Variants in PTPN5 observed in about 807,000 individuals in gnomAD.
PTPN5 encodes the protein tyrosine-protein phosphatase non-receptor type 5.
PTPN5 carries 29 observed loss-of-function variants against 73.9 expected under a neutral mutation model. The ratio of observed to expected loss-of-function variants is 0.39; its 90% CI spans 0.29 to 0.54. The LOEUF is 0.54. Among genes scored for constraint, PTPN5 ranks in the 20% least tolerant of loss-of-function variants. The pLI is 0.65. For missense variants in PTPN5, 652 were observed against 751.4 expected (o/e 0.87, Z 1.55); for synonymous variants, 267 against 304.7 (o/e 0.88, Z 1.29).
intron 3 of PTPN5, among the ~76,000 whole-genome samples, chr11:18,761,178 C>T (rs144346466): frequency 5.3e-5 from 8 of 152,298 alleles, no homozygotes; most frequent in East Asian, 1.9e-4. Context: ...GGCCTGCCCA[C>T]GAGTCTGCAT....
intron 1 of PTPN5, among the ~76,000 whole-genome samples, chr11:18,778,898 T>A (rs1315161042): frequency 6.6e-6 from 1 of 152,180 alleles, no homozygotes; most frequent in African/African-American, 2.4e-5. Context: ...TGATCACACA[T>A]TATTTCATGC....
rs2134221165 is a variant in PTPN5, at chr11:18,742,159, C to T, written c.725+103G>A. 3.3e-6 allele frequency: 5 copies of T among 1,521,308 alleles called. No homozygotes were observed. The highest frequency in any genetic ancestry group is 4.5e-6 in the Non-Finnish European group (5 of 1,118,266). 94.2% of individuals were successfully genotyped at this position (1,521,308 alleles called of 1,614,324 possible). On this transcript the variant is annotated intron_variant, in intron 7 of 14. Coordinates refer to ENST00000358540, the MANE Select transcript of PTPN5 (RefSeq NM_006906.2). The surrounding 1 kb of genome is among the most constrained non-coding windows in gnomAD (Gnocchi z 4.1). ...TACACTGGCTAAGCTATAAGGCCAGCTCTGCCCTGGGCACCAGGAGTCAGA... is the reference window on the plus strand; with the variant it reads ...TACACTGGCTAAGCTATAAGGCCAGTTCTGCCCTGGGCACCAGGAGTCAGA...
intron 9 of PTPN5, 108 bp downstream of exon 9, chr11:18,737,772 T>C: frequency 1.0e-6 from 1 of 968,642 alleles, no homozygotes; most frequent in Non-Finnish European, 1.7e-6. Context: ...TCCCACCTCC[T>C]CCAGTCCTGT....
chr11:18,739,951 C>T (rs1849290614), intron 8 of PTPN5, among the ~76,000 whole-genome samples: 1 of 152,186 alleles, frequency 6.6e-6, no homozygotes, highest in African/African-American at 2.4e-5. Context: ...GTCTCAGTAT[C>T]GGGAGGCTCA....
chr11:18,729,642 G>A lies in PTPN5; in HGVS notation c.1490+16C>T. 6.3e-7 allele frequency: 1 copy of A among 1,575,930 alleles called. No homozygotes were observed. Among genetic ancestry groups the A allele is most frequent in the Non-Finnish European group, 8.6e-7 (1 of 1,163,694 alleles). ...GGGGGGCTGCCCCGCTCCAGTGGCT[G>A]GCTGGGAGGACCCACCTGCAGTGGA... is the stretch of plus-strand genomic sequence containing the variant. On this transcript the variant is annotated intron_variant, in intron 13 of 14. Coordinates refer to ENST00000358540, the MANE Select transcript of PTPN5 (RefSeq NM_006906.2). The surrounding 1 kb of genome is among the most constrained non-coding windows in gnomAD (Gnocchi z 5.2).
chr11:18,754,516 C>G (rs1443777381), intron 3 of PTPN5, among the ~76,000 whole-genome samples: 1 of 152,152 alleles, frequency 6.6e-6, no homozygotes, highest in Admixed American at 6.5e-5. Flanking sequence ...CATTAAGATC[C>G]CTAGGGTTGG....
chr11:18,774,464 G>C (rs1255193022), intron 1 of PTPN5, among the ~76,000 whole-genome samples: 1 of 152,218 alleles, frequency 6.6e-6, no homozygotes, highest in Non-Finnish European at 1.5e-5. Context: ...CTGTGGTCTG[G>C]TCCAAAGGTC....
intron 9 of PTPN5, among the ~76,000 whole-genome samples, chr11:18,734,599 G>C (rs1849035110): frequency 6.6e-6 from 1 of 152,146 alleles, no homozygotes; most frequent in African/African-American, 2.4e-5. Flanking sequence ...CTCTCAATGT[G>C]CTGGGGTTAT....
At chr11:18,743,962 C>G (rs750290641) in intron 4 of PTPN5, 44 bp downstream of exon 4, 1 of 1,518,112 alleles carries the variant, frequency 6.6e-7, no homozygotes, top group Non-Finnish European at 8.8e-7. Context: ...TGGCCCTCCA[C>G]CCACCCTCTC....
chr11:18,753,744 G>A (rs938754062), intron 3 of PTPN5, among the ~76,000 whole-genome samples: 4 of 152,178 alleles, frequency 2.6e-5, no homozygotes, highest in Non-Finnish European at 4.4e-5. Context: ...TATGTGTGGT[G>A]GGGGTAGGGG....
chr11:18,747,710 GA>G (rs1229589710), intron 3 of PTPN5, among the ~76,000 whole-genome samples: 2 of 152,080 alleles, frequency 1.3e-5, no homozygotes, highest in African/African-American at 4.8e-5. Flanking sequence ...GATAACATGG[GA>G]AAAAATTTTG....
intron 3 of PTPN5, among the ~76,000 whole-genome samples, chr11:18,753,605 T>C (rs778255475): frequency 9.2e-5 from 14 of 152,202 alleles, no homozygotes; most frequent in Non-Finnish European, 7.3e-5. Context: ...TTCTTCCAGA[T>C]CCTCTGTTGG....
chr11:18,761,567 C>T (rs1186084230), intron 3 of PTPN5, among the ~76,000 whole-genome samples: 2 of 152,070 alleles, frequency 1.3e-5, no homozygotes, highest in Non-Finnish European at 2.9e-5. Context: ...AAGAAAAATA[C>T]ATGTGTGCAC....
At chr11:18,756,929 A>AC (rs1850175744) in intron 3 of PTPN5, among the ~76,000 whole-genome samples, 1 of 148,564 alleles carries the variant, frequency 6.7e-6, no homozygotes, top group East Asian at 2.1e-4. Flanking sequence ...ATCAAAAAAA[A>AC]AAAAAAACCA....
Position 18,733,316 on chromosome 11 carries a change from C to T in PTPN5, c.1137G>A (p.Thr379=), listed in dbSNP as rs201614648. Residue 379 remains threonine, a synonymous_variant, in exon 11 of 15, where the codon ACG becomes ACA. Coordinates refer to ENST00000358540, the MANE Select transcript of PTPN5 (RefSeq NM_006906.2). The surrounding 1 kb of genome is among the most constrained non-coding windows in gnomAD (Gnocchi z 4.3). ...ACACCATGCGCCAGAAGTCGGCGAC[C>T]GTGCTGACGATGGGTCCCTGAGTGG... ...YIATQGPIVS[T]VADFWRMVWQ... is the part of the protein sequence containing the mutation. 1.7e-5 allele frequency: 28 copies of T among 1,614,154 alleles called. No homozygotes were observed. The highest frequency in any genetic ancestry group is 1.3e-4 in the East Asian group (6 of 44,880).
chr11:18,762,674 T>C (rs1192785683), intron 3 of PTPN5, among the ~76,000 whole-genome samples: 1 of 152,246 alleles, frequency 6.6e-6, no homozygotes. Flanking sequence ...TTTTCCTTAA[T>C]AGCAAATGTC....
chr11:18,787,588 C>T (rs7950455), intron 1 of PTPN5, among the ~76,000 whole-genome samples: 15,278 of 152,128 alleles, frequency 0.1, 1,258 homozygotes, highest in African/African-American at 0.21. Flanking sequence ...GCTATTGTTA[C>T]CCCAGGGCCT....
intron 1 of PTPN5, among the ~76,000 whole-genome samples, chr11:18,773,002 A>C (rs1850976868): frequency 6.7e-6 from 1 of 149,492 alleles, no homozygotes. Context: ...CCGTGGGATG[A>C]GACAGGAGGG....
intron 1 of PTPN5, among the ~76,000 whole-genome samples, chr11:18,786,007 C>T (rs533219129): frequency 2.6e-5 from 4 of 152,298 alleles, no homozygotes; most frequent in African/African-American, 7.2e-5. Context: ...ACTTGAGTCA[C>T]GCTTGCTTCA....
Sources: allele counts gnomAD v4.1 joint callset (sites outside exome capture counted in the v4.1 genomes callset), GRCh38; gene constraint gnomAD v4.1.1; non-coding constraint Gnocchi (gnomAD v3.1); transcripts MANE v1.5; gene names NCBI Gene and HGNC (gene_info 2026-07-23, HGNC 2026-07-21).